Variants in CNOT10 observed in about 807,000 individuals in gnomAD.
CNOT10 encodes CCR4-NOT transcription complex, subunit 10.
A neutral mutation model predicts 94.6 loss-of-function variants in CNOT10; 30 were observed. That is an observed-to-expected ratio of 0.32 (90% confidence interval 0.24 to 0.43). The LOEUF is 0.43. Among genes scored for constraint, CNOT10 ranks in the 20% least tolerant of loss-of-function variants. The probability of loss-of-function intolerance (pLI) is 1.00; values close to 1 mark genes in which losing one functional copy is unlikely to be tolerated. For missense variants in CNOT10, 759 were observed against 877.2 expected (o/e 0.87, Z 1.70); for synonymous variants, 289 against 301.6 (o/e 0.96, Z 0.43).
chr3:32,734,009 G>C (rs901981139), intron 11 of CNOT10, among the ~76,000 whole-genome samples: 2 of 152,098 alleles, frequency 1.3e-5, no homozygotes, highest in African/African-American at 4.8e-5. Flanking sequence ...ATCTTCATTT[G>C]ACAATTTGGA....
intron 5 of CNOT10, among the ~76,000 whole-genome samples, chr3:32,714,567 G>C (rs1698038429): frequency 6.6e-6 from 1 of 152,074 alleles, no homozygotes; most frequent in Non-Finnish European, 1.5e-5. Flanking sequence ...AAAATAGCTG[G>C]GCATGGTGGC....
intron 13 of CNOT10, among the ~76,000 whole-genome samples, chr3:32,751,815 C>A (rs187920655): frequency 6.6e-4 from 101 of 152,320 alleles, no homozygotes; most frequent in African/African-American, 2.4e-3. Flanking sequence ...TTCAGTCTTA[C>A]GACTGAGTGT....
intron 15 of CNOT10, among the ~76,000 whole-genome samples, chr3:32,763,834 AG>A (rs1700549807): frequency 6.6e-6 from 1 of 152,040 alleles, no homozygotes; most frequent in Non-Finnish European, 1.5e-5. Flanking sequence ...TTAGGTTTTT[AG>A]AAAATATGCT....
chr3:32,760,134 T>G (rs202002654), intron 14 of CNOT10, among the ~76,000 whole-genome samples: 3 of 166 alleles, frequency 0.018, no homozygotes, highest in South Asian at 0.5. Flanking sequence ...GTGAGATCTC[T>G]GCACCACTGC....
At chr3:32,732,544 C>T (rs778519309) in intron 10 of CNOT10, among the ~76,000 whole-genome samples, 2 of 151,782 alleles carry the variant, frequency 1.3e-5, no homozygotes, top group African/African-American at 4.8e-5. Flanking sequence ...CGAGATCATG[C>T]CACTGTACTC....
At chr3:32,747,672 G>A (rs1699759239) in intron 13 of CNOT10, among the ~76,000 whole-genome samples, 1 of 151,656 alleles carries the variant, frequency 6.6e-6, no homozygotes, top group Non-Finnish European at 1.5e-5. Context: ...GGCATGGGCT[G>A]GGCTCGGTGG....
intron 4 of CNOT10, among the ~76,000 whole-genome samples, chr3:32,710,602 G>T (rs1697841648): frequency 1.3e-5 from 2 of 152,068 alleles, no homozygotes; most frequent in South Asian, 4.1e-4. Context: ...ACTGCCCTAA[G>T]AATTCTGTGT....
chr3:32,771,344 T>G (rs1473906874), intron 18 of CNOT10, among the ~76,000 whole-genome samples: 3 of 152,236 alleles, frequency 2.0e-5, no homozygotes, highest in Admixed American at 1.3e-4. Flanking sequence ...CTCACGCCTA[T>G]AATCCCAGCA....
At chr3:32,703,624 G>A (rs1019801779) in intron 1 of CNOT10, among the ~76,000 whole-genome samples, 4 of 152,168 alleles carry the variant, frequency 2.6e-5, no homozygotes, top group African/African-American at 9.7e-5. Context: ...TGGAATGCTA[G>A]ACAAAGGAAT....
intron 7 of CNOT10, among the ~76,000 whole-genome samples, chr3:32,719,777 A>G (rs949160587): frequency 1.3e-5 from 2 of 152,224 alleles, no homozygotes; most frequent in Admixed American, 6.5e-5. Flanking sequence ...AACTATTAAA[A>G]TGAAGGACAT....
At chr3:32,718,280 T>TTA (rs1553632191) in intron 7 of CNOT10, among the ~76,000 whole-genome samples, 5 of 147,276 alleles carry the variant, frequency 3.4e-5, no homozygotes, top group Non-Finnish European at 6.0e-5. Flanking sequence ...TTTTTTTTTT[T>TTA]AATGATAAAA....
chr3:32,727,643 ATTC>A, intron 9 of CNOT10, 22 bp from the exon 10 acceptor site: 1 of 1,419,062 alleles, frequency 7.0e-7, no homozygotes, highest in South Asian at 1.2e-5. Flanking sequence ...CTAATGATGT[ATTC>A]TTATCTAATT....
At chr3:32,715,501 T>G (rs1698080339) in intron 5 of CNOT10, among the ~76,000 whole-genome samples, 2 of 152,190 alleles carry the variant, frequency 1.3e-5, no homozygotes, top group Non-Finnish European at 2.9e-5. Flanking sequence ...TGAAGAACTT[T>G]GAATACTAGA....
At chr3:32,737,683 C>T (rs946024742) in intron 13 of CNOT10, among the ~76,000 whole-genome samples, 193 bp downstream of exon 13, 1 of 151,804 alleles carries the variant, frequency 6.6e-6, no homozygotes, top group Non-Finnish European at 1.5e-5. Context: ...ATTAACCGGG[C>T]GTGGTGGCAG....
chr3:32,746,234 T>C (rs1316776817), intron 13 of CNOT10, among the ~76,000 whole-genome samples: 5 of 152,260 alleles, frequency 3.3e-5, no homozygotes, highest in Non-Finnish European at 7.4e-5. Context: ...CCCAGCCTTT[T>C]TGGCACCAGG....
intron 1 of CNOT10, among the ~76,000 whole-genome samples, chr3:32,696,946 TTTTTC>T (rs893318280): frequency 3.3e-5 from 5 of 151,606 alleles, no homozygotes; most frequent in Admixed American, 1.3e-4. Flanking sequence ...TTACATTTTC[TTTTTC>T]TTTTCTTTTT....
intron 13 of CNOT10, among the ~76,000 whole-genome samples, chr3:32,747,383 A>C (rs868077367): frequency 4.6e-5 from 7 of 152,200 alleles, no homozygotes; most frequent in Non-Finnish European, 7.3e-5. Context: ...AGATGGTGCC[A>C]TTGCACTCCA....
At chr3:32,752,253 T>A (rs1024769790) in intron 13 of CNOT10, among the ~76,000 whole-genome samples, 6 of 151,708 alleles carry the variant, frequency 4.0e-5, no homozygotes, top group East Asian at 1.9e-4. Flanking sequence ...CACGCCATTG[T>A]ACTCCAGCCT....
chr3:32,731,303 A>G (rs1286455694), intron 10 of CNOT10, among the ~76,000 whole-genome samples: 1 of 152,224 alleles, frequency 6.6e-6, no homozygotes, highest in Non-Finnish European at 1.5e-5. Flanking sequence ...TTCAGGAGCA[A>G]TAAGTAACAG....
Sources: allele counts gnomAD v4.1 joint callset (sites outside exome capture counted in the v4.1 genomes callset), GRCh38; gene constraint gnomAD v4.1.1; transcripts MANE v1.5; gene names NCBI Gene and HGNC (gene_info 2026-07-23, HGNC 2026-07-21).